Variants in PUDP observed in about 807,000 individuals in gnomAD.
The protein encoded by PUDP is pseudouridine 5'-phosphatase, also known as pseudouridine-5'-phosphatase.
In PUDP, 8 loss-of-function variants were observed where a neutral mutation model predicts 9.4. The ratio of observed to expected loss-of-function variants is 0.85; its 90% CI spans 0.50 to 1.53. The LOEUF is 1.53. Ranked by LOEUF, PUDP falls within the 40% of genes most tolerant of loss-of-function variation. PUDP has a pLI of 0.00. For missense variants in PUDP, 188 were observed against 189.7 expected, an observed-to-expected ratio of 0.99 and a Z score of 0.05; for synonymous variants, 99 against 80.7, an observed-to-expected ratio of 1.23 and a Z score of -1.22.
intron 1 of PUDP, among the ~76,000 whole-genome samples, chrX:7,024,125 G>T (rs1303555338): frequency 9.0e-6 from 1 of 111,468 alleles, no homozygotes; most frequent in Non-Finnish European, 1.9e-5. Flanking sequence ...TGATTATGTT[G>T]TCTAGGCATA....
rs776445475 is a variant in PUDP at position 6,952,880 on chromosome X, C to T, written c.*247+24253G>A. 1.4e-3 allele frequency among the ~76,000 whole-genome samples: 159 copies of T among 111,709 alleles called. 2 individuals carry two copies. The highest frequency in any genetic ancestry group is 1.6e-3 in the Non-Finnish European group (85 of 53,156). On this transcript the variant is annotated intron_variant and NMD_transcript_variant, in intron 3 of 3. Transcript: ENST00000655425. ...CTCCAGAACTGTGAACAACAAATGTCGGTTGTTTATAAATTACACAGTCTA... is the reference window on the plus strand; with the variant it reads ...CTCCAGAACTGTGAACAACAAATGTTGGTTGTTTATAAATTACACAGTCTA...
At chrX:6,907,134 G>A (rs1385759378) in intron 3 of PUDP, among the ~76,000 whole-genome samples, 1 of 110,297 alleles carries the variant, frequency 9.1e-6, no homozygotes, top group Non-Finnish European at 1.9e-5. Context: ...TCATGGGGGC[G>A]GTTACCCCCA....
chrX:6,920,670 G>T (rs1055458793), intron 3 of PUDP, among the ~76,000 whole-genome samples: 1 of 111,270 alleles, frequency 9.0e-6, no homozygotes, highest in Non-Finnish European at 1.9e-5. Context: ...GCTTCAAGTT[G>T]TCCCCACCTT....
chrX:6,816,047 C>T (rs1161648969), intron 3 of PUDP, among the ~76,000 whole-genome samples: 2 of 105,731 alleles, frequency 1.9e-5, no homozygotes, highest in East Asian at 3.0e-4. Flanking sequence ...ATAGTATATA[C>T]ATACATATAT....
intron 3 of PUDP, among the ~76,000 whole-genome samples, chrX:6,921,548 A>G (rs755473712): frequency 1.1e-4 from 12 of 110,950 alleles, no homozygotes; most frequent in Non-Finnish European, 2.1e-4. Context: ...ATGACTGATG[A>G]TGTCTCAGTT....
intron 2 of PUDP, among the ~76,000 whole-genome samples, chrX:7,091,334 C>G (rs1931414825): frequency 9.0e-6 from 1 of 111,505 alleles, no homozygotes; most frequent in African/African-American, 3.3e-5. Flanking sequence ...GCACATTTAA[C>G]TGGACTTTTT....
intron 2 of PUDP, among the ~76,000 whole-genome samples, chrX:7,082,158 T>C (rs1325832626): frequency 2.7e-5 from 3 of 112,029 alleles, no homozygotes; most frequent in South Asian, 7.4e-4. Context: ...TAGGTATCTG[T>C]TGCTCCAAAC....
chrX:6,731,700 C>T (rs1303623182), intron 3 of PUDP, among the ~76,000 whole-genome samples: 2 of 91,561 alleles, frequency 2.2e-5, no homozygotes, highest in Admixed American at 1.5e-4. Flanking sequence ...AAGCTGGAAA[C>T]GAAGTCAATG....
chrX:6,900,619 A>C (rs925658178), intron 3 of PUDP, among the ~76,000 whole-genome samples: 12 of 90,135 alleles, frequency 1.3e-4, no homozygotes, highest in African/African-American at 4.2e-4. Flanking sequence ...GAATGCTAAC[A>C]GGCATTTCCT....
intron 3 of PUDP, among the ~76,000 whole-genome samples, chrX:6,943,710 A>G (rs180964623): frequency 8.9e-6 from 1 of 111,906 alleles, no homozygotes; most frequent in African/African-American, 3.2e-5. Context: ...CTAATACTCA[A>G]GAGTATGATG....
chrX:6,752,612 T>C (rs1259602889), intron 3 of PUDP, among the ~76,000 whole-genome samples: 1 of 111,153 alleles, frequency 9.0e-6, no homozygotes, highest in Non-Finnish European at 1.9e-5. Flanking sequence ...AGGAAGGAGT[T>C]TATAGAACAG....
chrX:6,895,390 C>CTATT (rs56186254), intron 3 of PUDP, among the ~76,000 whole-genome samples: 28,200 of 104,788 alleles, frequency 0.27, 3,056 homozygotes, highest in East Asian at 0.51. Context: ...TATACTATTA[C>CTATT]TATTTGTTAT....
At chrX:6,848,676 A>C (rs755743444) in intron 3 of PUDP, among the ~76,000 whole-genome samples, 7 of 111,962 alleles carry the variant, frequency 6.3e-5, no homozygotes, top group African/African-American at 2.3e-4. Context: ...ATGGGGGTGG[A>C]TCCGTCTTGA....
At chrX:6,985,872 T>C (rs1385824918) in intron 1 of PUDP, among the ~76,000 whole-genome samples, 3 of 111,631 alleles carry the variant, frequency 2.7e-5, no homozygotes, top group Admixed American at 1.9e-4. Flanking sequence ...CTGCATTCCC[T>C]GACGGTTAAG....
chrX:7,116,257 C>T (rs1348156126), intron 1 of PUDP, among the ~76,000 whole-genome samples: 1 of 111,218 alleles, frequency 9.0e-6, no homozygotes, highest in Middle Eastern at 4.2e-3. Flanking sequence ...TGAGGCATCT[C>T]ATGGGATTGG....
At chrX:6,921,972 T>C (rs1264431417) in intron 3 of PUDP, among the ~76,000 whole-genome samples, 1 of 111,447 alleles carries the variant, frequency 9.0e-6, no homozygotes, top group Non-Finnish European at 1.9e-5. Flanking sequence ...CAGATGAATA[T>C]GGTTGGAAAA....
At chrX:7,000,982 T>C (rs977090052) in intron 1 of PUDP, among the ~76,000 whole-genome samples, 7 of 109,113 alleles carry the variant, frequency 6.4e-5, no homozygotes, top group Non-Finnish European at 1.1e-4. Flanking sequence ...AACAATAAAG[T>C]ATATAAATAT....
intron 2 of PUDP, among the ~76,000 whole-genome samples, chrX:7,099,570 G>C (rs1380470330): frequency 4.5e-5 from 5 of 112,088 alleles, no homozygotes; most frequent in African/African-American, 1.6e-4. Context: ...TTTTCATAGA[G>C]AGGGCCTTCC....
intron 3 of PUDP, among the ~76,000 whole-genome samples, chrX:6,939,535 T>G (rs1316370866): frequency 9.1e-6 from 1 of 109,916 alleles, no homozygotes; most frequent in Non-Finnish European, 1.9e-5. Context: ...ATATTTATTA[T>G]TACAACTCGG....
Sources: gnomAD v4.1 joint callset for allele counts (sites outside exome capture counted in the v4.1 genomes callset) on GRCh38, gnomAD v4.1.1 for gene constraint, MANE v1.5 for transcripts, NCBI Gene and HGNC (gene_info 2026-07-23, HGNC 2026-07-21) for gene names.